VAPB: variants seen among roughly 807,000 people sequenced by gnomAD.
The protein encoded by VAPB is vesicle-associated membrane protein-associated protein B/C.
In VAPB, 7 loss-of-function variants were observed where a neutral mutation model predicts 25.6. That is an observed-to-expected ratio of 0.27 (90% CI 0.16 to 0.51). The LOEUF (loss-of-function observed/expected upper bound fraction) is 0.51. Among genes scored for constraint, VAPB ranks in the 20% least tolerant of loss-of-function variants. The probability of loss-of-function intolerance (pLI) is 0.97; values close to 1 mark genes in which losing one functional copy is unlikely to be tolerated. For synonymous variants in VAPB, 112 were observed against 109.2 expected (o/e 1.03, Z -0.16); for missense variants, 266 against 301.3 (o/e 0.88, Z 0.87).
chr20:58,442,329 A>G lies in VAPB; in HGVS notation c.573+1246A>G, dbSNP rs536908542. ...AGCTGACACTACTTTTTGGCTAAAA[A>G]TCTAAGCTATGCCTGAAGCTTCTCG... is the stretch of plus-strand genomic sequence containing the variant. On this transcript the variant is annotated intron_variant, in intron 5 of 5. Transcript: ENST00000475243. Among the ~76,000 whole-genome samples the G allele has an allele frequency of 1.5e-4, 23 of 152,332 alleles. No individual in the cohort carries two copies. The South Asian group carries it at 3.3e-3, about 22-fold the overall frequency.
chr20:58,417,300 CT>C (rs1224317814), intron 1 of VAPB, among the ~76,000 whole-genome samples: 1 of 152,138 alleles, frequency 6.6e-6, no homozygotes, highest in East Asian at 1.9e-4. Flanking sequence ...TTGTTAGCCC[CT>C]ATCCCTTGCA....
chr20:58,428,754 T>C (rs973161740), intron 2 of VAPB, among the ~76,000 whole-genome samples: 17 of 152,266 alleles, frequency 1.1e-4, no homozygotes, highest in African/African-American at 4.1e-4. Flanking sequence ...AGCAACATTC[T>C]GTCATGTTTT....
rs1408630982 is a variant in VAPB at position 58,448,003 on chromosome 20, G to A, written c.*3768G>A. On this transcript the variant is annotated 3_prime_UTR_variant, in exon 6 of 6. Transcript: ENST00000475243. Reference sequence around the variant, plus strand: ...GCATTTCATTGAAGGGCCTCTCGTGGCTTTCCCTGCCCCCGGCTGTCTGGC... The same window carrying A: ...GCATTTCATTGAAGGGCCTCTCGTGACTTTCCCTGCCCCCGGCTGTCTGGC... 2.2e-6 allele frequency: 1 copy of A among 453,924 alleles called. No homozygotes were observed. Among genetic ancestry groups the A allele is most frequent in the Non-Finnish European group, 4.4e-6 (1 of 226,766 alleles). 28.1% of individuals were successfully genotyped at this position (453,924 alleles called of 1,614,324 possible).
rs1480704417 is a variant in VAPB at position 58,444,540 on chromosome 20, G to T, written c.*305G>T. ...ATTGTAAATGTCATTTTAAACATTG[G>T]TAGGCCTTGGTACATGATGCTGGAT... is the stretch of plus-strand genomic sequence containing the variant. On this transcript the variant is annotated 3_prime_UTR_variant, in exon 6 of 6. Transcript: ENST00000475243. 1 of 503,836 alleles carries T rather than the reference G, an allele frequency of 2.0e-6. No individual in the cohort carries two copies. The highest frequency in any genetic ancestry group is 1.9e-5 in the African/African-American group (1 of 52,126). 31.2% of individuals were successfully genotyped at this position (503,836 alleles called of 1,614,324 possible). A position where few individuals can be genotyped will look rare whatever the true frequency, so the allele number is the denominator to read the frequency against.
At chr20:58,432,537 A>C (rs998147357) in intron 2 of VAPB, 1 of 152,236 alleles carries the variant, frequency 6.6e-6, no homozygotes, top group Non-Finnish European at 1.5e-5. Context: ...CAGCCAAGGA[A>C]GACCTGAAAT....
In VAPB at chr20:58,444,814, G is replaced by T. The variant is rs879721173; in HGVS notation, c.*579G>T. The T allele has an allele frequency of 4.4e-6, 2 of 454,586 alleles. No individual in the cohort carries two copies. Among genetic ancestry groups the T allele is most frequent in the South Asian group, 3.1e-5 (2 of 64,478 alleles). 28.2% of individuals were successfully genotyped at this position (454,586 alleles called of 1,614,324 possible). A position where few individuals can be genotyped will look rare whatever the true frequency, so the allele number is the denominator to read the frequency against. ...GACGTACTCGTCATAAGTGAGAGGC[G>T]TGTGTTGACTGATTGACCCAGCGCT... On this transcript the variant is annotated 3_prime_UTR_variant, in exon 6 of 6. Transcript: ENST00000475243.
At chr20:58,402,107 A>G (rs1029504230) in intron 1 of VAPB, among the ~76,000 whole-genome samples, 3 of 152,212 alleles carry the variant, frequency 2.0e-5, no homozygotes, top group Non-Finnish European at 2.9e-5. Context: ...GCTTACAATC[A>G]TTAAATGTCT....
At position 58,450,387 on chromosome 20, in the gene VAPB, T is replaced by C. The variant is rs1568727204; in HGVS notation, c.*6152T>C. On this transcript the variant is annotated 3_prime_UTR_variant, in exon 6 of 6. Transcript: ENST00000475243. ...GCTACTATATGAGGTGCTGCGAAAT[T>C]AGTGGGCGTGGCTTTTTATATTTTT... is the stretch of plus-strand genomic sequence containing the variant. 4 of 454,066 alleles carry C rather than the reference T, an allele frequency of 8.8e-6. No homozygotes were observed. In the East Asian group the frequency reaches 2.1e-4, roughly 24 times the overall value. The allele number at this position is 454,066 out of a possible 1,614,324, so 28.1% of individuals were successfully genotyped here.
intron 1 of VAPB, among the ~76,000 whole-genome samples, chr20:58,395,673 T>G (rs1987941139): frequency 6.6e-6 from 1 of 152,212 alleles, no homozygotes; most frequent in South Asian, 2.1e-4. Flanking sequence ...AAAACAAAGT[T>G]GCATTATGGT....
intron 1 of VAPB, 47 bp from the exon 2 acceptor site, chr20:58,418,164 A>G: frequency 8.1e-6 from 13 of 1,613,220 alleles, no homozygotes; most frequent in Non-Finnish European, 1.1e-5. Context: ...CAAACCTTCT[A>G]AACTTTCCTC....
At chr20:58,414,714 G>C (rs1018707816) in intron 1 of VAPB, among the ~76,000 whole-genome samples, 4 of 151,942 alleles carry the variant, frequency 2.6e-5, no homozygotes, top group Non-Finnish European at 4.4e-5. Flanking sequence ...GATGGCGGCC[G>C]GTCGGAGACG....
Position 58,401,766 on chromosome 20 carries a change from C to A in VAPB, c.58+12249C>A, listed in dbSNP as rs1423923280. 2.0e-5 allele frequency among the ~76,000 whole-genome samples: 3 copies of A among 152,192 alleles called. No homozygotes were observed. In the East Asian group the frequency reaches 5.8e-4, roughly 29 times the overall value. On this transcript the variant is annotated intron_variant, in intron 1 of 5. Transcript: ENST00000475243. Reference sequence around the variant, plus strand: ...AACGTCACTTATGTATGAACCCAGGCCTGACCCAAGCCCATATAAAAGGCT... The same window carrying A: ...AACGTCACTTATGTATGAACCCAGGACTGACCCAAGCCCATATAAAAGGCT...
rs138521885 is a variant in VAPB, at chr20:58,444,310, G to A, written c.*75G>A. ...TGGGATTTAAATTTATCATAACCAT[G>A]TGTAAAAAGAAATTAATGTATGATG... On this transcript the variant is annotated 3_prime_UTR_variant, in exon 6 of 6. Coordinates refer to ENST00000475243, the MANE Select transcript of VAPB (RefSeq NM_004738.5). The A allele has an allele frequency of 7.6e-4, 1,226 of 1,610,376 alleles. 21 individuals carry two copies. In the East Asian group the frequency reaches 0.022, roughly 29 times the overall value.
rs1989334076 is a variant in VAPB, at chr20:58,447,871, A to C, written c.*3636A>C. 2.2e-6 allele frequency: 1 copy of C among 453,850 alleles called. No individual in the cohort carries two copies. Among genetic ancestry groups the C allele is most frequent in the Admixed American group, 2.4e-5 (1 of 42,544 alleles). The allele number at this position is 453,850 out of a possible 1,614,324, so 28.1% of individuals were successfully genotyped here. ...TGTAGTTTGAGAAATACATGTATGA[A>C]GAGATAGGGGTCTTGGGCTTCCCAG... On this transcript the variant is annotated 3_prime_UTR_variant, in exon 6 of 6. Transcript: ENST00000475243.
At chr20:58,411,305 G>A (rs1303036055) in intron 1 of VAPB, among the ~76,000 whole-genome samples, 1 of 152,188 alleles carries the variant, frequency 6.6e-6, no homozygotes, top group Non-Finnish European at 1.5e-5. Context: ...TTTCTGAGAT[G>A]GAGTCTTACT....
At chr20:58,409,806 A>G (rs1988327432) in intron 1 of VAPB, among the ~76,000 whole-genome samples, 1 of 152,116 alleles carries the variant, frequency 6.6e-6, no homozygotes, top group African/African-American at 2.4e-5. Flanking sequence ...GAAGATAAAT[A>G]ACAAAGGAAG....
rs1435807761 is a variant in VAPB at position 58,447,215 on chromosome 20, T to C, written c.*2980T>C. 2 of 454,134 alleles carry C rather than the reference T, an allele frequency of 4.4e-6. No homozygotes were observed. The highest frequency in any genetic ancestry group is 3.1e-5 in the South Asian group (2 of 64,470). 28.1% of individuals were successfully genotyped at this position (454,134 alleles called of 1,614,324 possible). ...CAGAATCCTGAAAGTTTTTATTGAT[T>C]GAAGTTTTAAATTGGTAACTTAAGC... On this transcript the variant is annotated 3_prime_UTR_variant, in exon 6 of 6. Transcript: ENST00000475243.
At position 58,446,228 on chromosome 20, in the gene VAPB, A is replaced by G. The variant is rs1035760838; in HGVS notation, c.*1993A>G. ...TTCCCATGTGTCCCCCAGTACTTAT[A>G]AAAGGGAGTGAAAAGACCGAGCTGT... is the stretch of plus-strand genomic sequence containing the variant. On this transcript the variant is annotated 3_prime_UTR_variant, in exon 6 of 6. Coordinates refer to ENST00000475243, the MANE Select transcript of VAPB (RefSeq NM_004738.5). 2 of 453,960 alleles carry G rather than the reference A, an allele frequency of 4.4e-6. No homozygotes were observed. Among genetic ancestry groups the G allele is most frequent in the African/African-American group, 4.0e-5 (2 of 49,978 alleles). The allele number at this position is 453,960 out of a possible 1,614,324, so 28.1% of individuals were successfully genotyped here.
chr20:58,405,742 CTTTTTTTTTTTT>C (rs71181964), intron 1 of VAPB, among the ~76,000 whole-genome samples: 17 of 43,468 alleles, frequency 3.9e-4, no homozygotes, highest in Admixed American at 2.7e-3. Context: ...GGCCAGGAGC[CTTTTTTTTTTTT>C]TTTTTTTTTT....
Sources: gnomAD v4.1 joint callset for allele counts (sites outside exome capture counted in the v4.1 genomes callset) on GRCh38, gnomAD v4.1.1 for gene constraint, MANE v1.5 for transcripts, NCBI Gene and HGNC (gene_info 2026-07-23, HGNC 2026-07-21) for gene names.